ANK3: variants seen among roughly 807,000 people sequenced by gnomAD.
ANK3 encodes the protein ankyrin-3.
Under a neutral mutation model 370.9 loss-of-function variants are expected in ANK3, and 57 were observed. The ratio of observed to expected loss-of-function variants is 0.15; its 90% CI spans 0.12 to 0.19. ANK3 has a LOEUF of 0.19. Among genes scored for constraint, ANK3 ranks in the 10% least tolerant of loss-of-function variants. The probability of loss-of-function intolerance (pLI) is 1.00; values close to 1 mark genes in which losing one functional copy is unlikely to be tolerated. For missense variants in ANK3, 4,439 were observed against 5,302.1 expected (o/e 0.84, Z 5.06); for synonymous variants, 1,929 against 1,946.3 (o/e 0.99, Z 0.23).
rs770047286 is a variant in ANK3, at chr10:60,172,290, T to C, written c.2478+18A>G. On this transcript the variant is annotated intron_variant, in intron 21 of 43. Transcript: ENST00000280772. Reference sequence around the variant, plus strand: ...AAGCTGGCTCCTAGGGTAACAAGGTTCTGCATTCCTTACTTACAGTTGTGG... The same window carrying C: ...AAGCTGGCTCCTAGGGTAACAAGGTCCTGCATTCCTTACTTACAGTTGTGG... 47 of 1,600,832 alleles carry C rather than the reference T, an allele frequency of 2.9e-5. No individual in the cohort carries two copies. The highest frequency in any genetic ancestry group is 4.0e-5 in the Non-Finnish European group (47 of 1,168,478).
intron 7 of ANK3, among the ~76,000 whole-genome samples, chr10:60,238,252 C>T (rs553159647): frequency 6.6e-6 from 1 of 152,268 alleles, no homozygotes; most frequent in South Asian, 2.1e-4. Flanking sequence ...AAGCAAGCAA[C>T]AGAGTTAAGA....
intron 1 of ANK3, among the ~76,000 whole-genome samples, chr10:60,661,902 A>C (rs2078940305): frequency 6.6e-6 from 1 of 152,146 alleles, no homozygotes; most frequent in Non-Finnish European, 1.5e-5. Flanking sequence ...ACTAGTATGC[A>C]CTTTCATCCC....
chr10:60,340,560 T>C (rs1027421749), intron 1 of ANK3, among the ~76,000 whole-genome samples: 22 of 152,206 alleles, frequency 1.4e-4, no homozygotes, highest in African/African-American at 4.3e-4. Flanking sequence ...TGCAAGCATG[T>C]GCCAAAACAC....
intron 2 of ANK3, among the ~76,000 whole-genome samples, chr10:60,436,420 A>T (rs926188649): frequency 5.3e-5 from 8 of 152,194 alleles, no homozygotes; most frequent in Non-Finnish European, 1.2e-4. Context: ...ACTATTTTAC[A>T]TTTCTACCAG....
At chr10:60,300,319 T>C in intron 1 of ANK3, 1 of 1,279,670 alleles carries the variant, frequency 7.8e-7, no homozygotes, top group Non-Finnish European at 1.0e-6. Context: ...AAATGCTTAC[T>C]TGTTCTGGGA....
intron 1 of ANK3, among the ~76,000 whole-genome samples, chr10:60,690,814 A>C (rs2079341638): frequency 6.6e-6 from 1 of 152,198 alleles, no homozygotes; most frequent in African/African-American, 2.4e-5. Flanking sequence ...AGGCCGGAAA[A>C]TGTAAATGTG....
chr10:60,731,687 G>A (rs1360394928), intron 1 of ANK3, among the ~76,000 whole-genome samples: 1 of 152,092 alleles, frequency 6.6e-6, no homozygotes, highest in Admixed American at 6.5e-5. Flanking sequence ...AACACGCACC[G>A]GTTTGAGCCC....
intron 1 of ANK3, among the ~76,000 whole-genome samples, chr10:60,708,232 T>G (rs1005644015): frequency 7.2e-5 from 11 of 152,222 alleles, no homozygotes; most frequent in African/African-American, 2.7e-4. Context: ...GTCTTCAAAG[T>G]TCCTTTGCTG....
chr10:60,563,959 C>T (rs1217928153), intron 2 of ANK3, among the ~76,000 whole-genome samples: 1 of 152,088 alleles, frequency 6.6e-6, no homozygotes, highest in Admixed American at 6.6e-5. Context: ...TCCAATCTCT[C>T]CTTACAAAAA....
intron 43 of ANK3, among the ~76,000 whole-genome samples, chr10:60,037,508 A>G (rs924146522): frequency 1.3e-5 from 2 of 151,996 alleles, no homozygotes; most frequent in Non-Finnish European, 2.9e-5. Context: ...ATGTGTTCTC[A>G]TCATTTAGCT....
intron 2 of ANK3, among the ~76,000 whole-genome samples, chr10:60,607,165 C>A (rs1050205162): frequency 6.6e-6 from 1 of 152,160 alleles, no homozygotes; most frequent in Non-Finnish European, 1.5e-5. Context: ...ATCTTCCAGT[C>A]AAGATGAAGA....
At chr10:60,601,202 C>A (rs917265223) in intron 2 of ANK3, among the ~76,000 whole-genome samples, 2 of 146,884 alleles carry the variant, frequency 1.4e-5, no homozygotes, top group African/African-American at 5.1e-5. Context: ...CACACATACC[C>A]GCACACACAC....
In ANK3 at chr10:60,313,847, T is replaced by C. The variant is rs564941158; in HGVS notation, c.115-34208A>G. Among the ~76,000 whole-genome samples the C allele has an allele frequency of 2.6e-5, 4 of 152,142 alleles. No individual in the cohort carries two copies. The East Asian group carries it at 7.7e-4, about 29-fold the overall frequency. On this transcript the variant is annotated intron_variant, in intron 1 of 43. Transcript: ENST00000280772. ...TCTGTAACCTTGTCAGAGAGATTTA[T>C]CCTGAATATCTCAGCTAAAAAAAAT...
intron 2 of ANK3, among the ~76,000 whole-genome samples, chr10:60,427,496 G>A (rs1005139170): frequency 1.3e-5 from 2 of 151,220 alleles, no homozygotes; most frequent in African/African-American, 4.8e-5. Flanking sequence ...GCCTAAATAG[G>A]TCTCATGACA....
chr10:60,130,443 C>G (rs938720294), intron 25 of ANK3, among the ~76,000 whole-genome samples: 6 of 152,180 alleles, frequency 3.9e-5, no homozygotes, highest in African/African-American at 1.4e-4. Flanking sequence ...TCATTTTTCA[C>G]CTTTACTTGT....
chr10:60,370,937 A>C (rs2060024759), intron 1 of ANK3, among the ~76,000 whole-genome samples: 1 of 152,166 alleles, frequency 6.6e-6, no homozygotes, highest in South Asian at 2.1e-4. Context: ...GCATAACCTA[A>C]ATAAGTGGAA....
intron 26 of ANK3, among the ~76,000 whole-genome samples, chr10:60,110,077 A>G (rs1204262126): frequency 2.0e-5 from 3 of 152,232 alleles, no homozygotes; most frequent in African/African-American, 7.2e-5. Context: ...AATGGTGATA[A>G]TTAGAAAATT....
intron 2 of ANK3, among the ~76,000 whole-genome samples, chr10:60,523,960 C>G (rs1286608622): frequency 2.0e-5 from 3 of 152,084 alleles, no homozygotes; most frequent in Non-Finnish European, 4.4e-5. Flanking sequence ...TAAACATACA[C>G]TGGTCTATTC....
chr10:60,412,007 C>T (rs1415743081), intron 2 of ANK3, among the ~76,000 whole-genome samples: 1 of 152,050 alleles, frequency 6.6e-6, no homozygotes, highest in African/African-American at 2.4e-5. Flanking sequence ...GGCTTATGAA[C>T]ACCATAGAAG....
Sources: gnomAD v4.1 joint callset for allele counts (sites outside exome capture counted in the v4.1 genomes callset) on GRCh38, gnomAD v4.1.1 for gene constraint, MANE v1.5 for transcripts, NCBI Gene and HGNC (gene_info 2026-07-23, HGNC 2026-07-21) for gene names.